The following MTREX variants were observed in gnomAD, a reference collection of about 807,000 sequenced individuals.
MTREX encodes the protein exosome RNA helicase MTR4.
A neutral mutation model predicts 135.4 loss-of-function variants in MTREX; 76 were observed. The ratio of observed to expected loss-of-function variants is 0.56; its 90% confidence interval spans 0.47 to 0.68. MTREX has a LOEUF of 0.68. Among genes scored for constraint, MTREX ranks in the 30% least tolerant of loss-of-function variants. MTREX has a pLI of 0.00. For missense variants in MTREX, 920 were observed against 1,262.1 expected (o/e 0.73, Z 4.11); for synonymous variants, 404 against 401.6 (o/e 1.01, Z -0.07).
intron 18 of MTREX, among the ~76,000 whole-genome samples, chr5:55,382,549 A>G (rs1750413225): frequency 6.6e-6 from 1 of 152,118 alleles, no homozygotes; most frequent in African/African-American, 2.4e-5. Context: ...GCAATACATT[A>G]TTATGATTAA....
intron 18 of MTREX, among the ~76,000 whole-genome samples, chr5:55,387,674 T>C (rs1169429556): frequency 6.6e-6 from 1 of 152,128 alleles, no homozygotes; most frequent in Non-Finnish European, 1.5e-5. Context: ...GCAAATTAAT[T>C]TTCTGACACT....
At chr5:55,372,776 CAT>C (rs1022414866) in intron 16 of MTREX, among the ~76,000 whole-genome samples, 6 of 152,038 alleles carry the variant, frequency 3.9e-5, no homozygotes, top group African/African-American at 1.2e-4. Context: ...CAGGAAAAAA[CAT>C]AGGTGTGAAT....
intron 24 of MTREX, 88 bp downstream of exon 24, chr5:55,414,326 G>GT (rs749120805): frequency 1.3e-5 from 14 of 1,058,212 alleles, no homozygotes; most frequent in East Asian, 5.6e-5. Flanking sequence ...AATCATAGTA[G>GT]TTTATCATTT....
chr5:55,395,313 G>GA (rs1289329803), intron 19 of MTREX, among the ~76,000 whole-genome samples: 3 of 152,016 alleles, frequency 2.0e-5, no homozygotes, highest in African/African-American at 7.2e-5. Flanking sequence ...GGCTGAGGCA[G>GA]AAAAATTGCT....
chr5:55,360,681 A>T (rs1749993278), intron 15 of MTREX, among the ~76,000 whole-genome samples: 1 of 152,188 alleles, frequency 6.6e-6, no homozygotes, highest in Non-Finnish European at 1.5e-5. Flanking sequence ...TTTGAATATT[A>T]TACAGTTTGA....
intron 21 of MTREX, among the ~76,000 whole-genome samples, chr5:55,404,158 G>T (rs1241083880): frequency 6.6e-6 from 1 of 152,146 alleles, no homozygotes; most frequent in Non-Finnish European, 1.5e-5. Context: ...CTTAGTAGAA[G>T]TTTAATAAAC....
intron 16 of MTREX, among the ~76,000 whole-genome samples, chr5:55,375,509 T>TA (rs1416731372): frequency 6.6e-6 from 1 of 152,200 alleles, no homozygotes; most frequent in Admixed American, 6.5e-5. Context: ...GGTCAGAGTT[T>TA]AAGGTTATCT....
chr5:55,316,806 A>G (rs1749205737), intron 1 of MTREX, among the ~76,000 whole-genome samples: 1 of 152,238 alleles, frequency 6.6e-6, no homozygotes. Flanking sequence ...AAAGAAAGAA[A>G]GAAAGGGCAT....
chr5:55,358,608 T>C lies in MTREX; in HGVS notation c.1569T>C (p.Arg523=). The change falls in exon 15 of 27, where the codon CGT becomes CGC. Residue 523 remains arginine (R), a synonymous_variant. Coordinates refer to ENST00000230640, the MANE Select transcript of MTREX (RefSeq NM_015360.5). ...GTGAATACATTCAGATGTCTGGTCG[T>C]GCTGGAAGGAGAGGAATGGATGATA... ...SSGEYIQMSG[R]AGRRGMDDRG... is the part of the protein sequence containing the mutation. 2.5e-6 allele frequency: 4 copies of C among 1,608,624 alleles called. No individual in the cohort carries two copies. Among genetic ancestry groups the C allele is most frequent in the Non-Finnish European group, 3.4e-6 (4 of 1,178,112 alleles).
chr5:55,382,999 T>G (rs557762434), intron 18 of MTREX, among the ~76,000 whole-genome samples: 88 of 152,356 alleles, frequency 5.8e-4, no homozygotes, highest in African/African-American at 1.8e-3. Flanking sequence ...GCTTTTGTTA[T>G]ATTAACCTTC....
chr5:55,308,438 C>T (rs956197622), intron 1 of MTREX, among the ~76,000 whole-genome samples: 3 of 151,888 alleles, frequency 2.0e-5, no homozygotes, highest in Non-Finnish European at 2.9e-5. Context: ...AGCACAACAC[C>T]TGGCACATAG....
chr5:55,402,482 A>AGG lies in MTREX; in HGVS notation c.2481+2062_2481+2063dup, dbSNP rs781541300. 1.4e-4 allele frequency among the ~76,000 whole-genome samples: 22 copies of AGG among 152,318 alleles called. 1 individual carries two copies. In the East Asian group the frequency reaches 2.5e-3, roughly 17 times the overall value. On this transcript the variant is annotated intron_variant, in intron 21 of 26. Coordinates refer to ENST00000230640, the MANE Select transcript of MTREX (RefSeq NM_015360.5). The stretch of plus-strand genomic sequence containing the variant: ...GAAAGCATCCTTGGAGGTGGTTTGA[A>AGG]GGCATTATCTGAGCTGCTCAAATAT...
intron 5 of MTREX, 79 bp downstream of exon 5, chr5:55,328,890 C>T: frequency 1.2e-6 from 1 of 846,426 alleles, no homozygotes; most frequent in African/African-American, 1.7e-5. Context: ...TTGATTTCTG[C>T]TAGTGAAGAT....
chr5:55,395,019 C>T (rs547757477), intron 19 of MTREX, among the ~76,000 whole-genome samples: 95 of 147,084 alleles, frequency 6.5e-4, no homozygotes, highest in African/African-American at 2.3e-3. Flanking sequence ...GGTGGCAGAG[C>T]AAGAATCCAT....
At chr5:55,345,360 A>G (rs558735092) in intron 10 of MTREX, among the ~76,000 whole-genome samples, 164 bp downstream of exon 10, 1 of 152,318 alleles carries the variant, frequency 6.6e-6, no homozygotes, top group South Asian at 2.1e-4. Context: ...CATTAAGTAT[A>G]ATTTACATAC....
intron 15 of MTREX, among the ~76,000 whole-genome samples, chr5:55,362,219 C>G (rs1750025839): frequency 6.6e-6 from 1 of 151,752 alleles, no homozygotes; most frequent in African/African-American, 2.4e-5. Flanking sequence ...AGGCATGAAC[C>G]ATCGCGCTGG....
intron 1 of MTREX, among the ~76,000 whole-genome samples, chr5:55,318,944 TATATA>T (rs1749243379): frequency 6.6e-6 from 1 of 152,112 alleles, no homozygotes; most frequent in African/African-American, 2.4e-5. Flanking sequence ...TTAGAGAAAA[TATATA>T]AGAATGGCAC....
In MTREX at chr5:55,400,406, T is replaced by A. The variant is rs1212208239; in HGVS notation, c.2466T>A (p.Cys822Ter). 6.3e-7 allele frequency: 1 copy of A among 1,582,742 alleles called. No homozygotes were observed. Among genetic ancestry groups the A allele is most frequent in the Non-Finnish European group, 8.6e-7 (1 of 1,163,292 alleles). Reference protein sequence around the residue: ...DPNLETVYTLCEKKAQIAIDI... With the variant: ...DPNLETVYTL Reference sequence around the variant, plus strand: ...ATTTGGAAACTGTGTATACGCTTTGTGAAAAAAAAGCACAGGTATGGCAGA... The same window carrying A: ...ATTTGGAAACTGTGTATACGCTTTGAGAAAAAAAAGCACAGGTATGGCAGA... Residue 822 changes from cysteine to a stop codon, truncating the protein, a stop_gained, in exon 21 of 27, where the codon TGT (cysteine) becomes TGA (stop). Coordinates refer to ENST00000230640, the MANE Select transcript of MTREX (RefSeq NM_015360.5). LOFTEE classifies it high-confidence loss of function.
At chr5:55,378,608 T>G (rs1229293206) in intron 17 of MTREX, 122 bp downstream of exon 17, 8 of 1,121,972 alleles carry the variant, frequency 7.1e-6, no homozygotes, top group Admixed American at 3.2e-5. Context: ...TTGATCTATA[T>G]TAATCATATT....
Sources: gnomAD v4.1 joint callset for allele counts (sites outside exome capture counted in the v4.1 genomes callset) on GRCh38, gnomAD v4.1.1 for gene constraint, MANE v1.5 for transcripts, NCBI Gene and HGNC (gene_info 2026-07-23, HGNC 2026-07-21) for gene names.